ZNF385B: variants seen among roughly 807,000 people sequenced by gnomAD.
The protein encoded by ZNF385B is zinc finger protein 533.
ZNF385B carries 23 observed loss-of-function variants against 39.2 expected under a neutral mutation model. The ratio of observed to expected loss-of-function variants is 0.59; its 90% CI spans 0.42 to 0.83. The LOEUF (loss-of-function observed/expected upper bound fraction) is 0.83. ZNF385B is among the 40% of genes least tolerant of loss of function. The probability of loss-of-function intolerance (pLI) is 0.00; values close to 1 mark genes in which losing one functional copy is unlikely to be tolerated. For synonymous variants in ZNF385B, 205 were observed against 222.6 expected (o/e 0.92, Z 0.70); for missense variants, 552 against 598.9 (o/e 0.92, Z 0.82).
intron 6 of ZNF385B, among the ~76,000 whole-genome samples, chr2:179,456,518 G>C (rs1038119759): frequency 1.3e-5 from 2 of 151,958 alleles, no homozygotes; most frequent in African/African-American, 4.8e-5. Context: ...ACTCTGAAAG[G>C]AAACAAAAAT....
chr2:179,562,496 T>C (rs1428796508), intron 3 of ZNF385B: 2 of 985,288 alleles, frequency 2.0e-6, no homozygotes, highest in Non-Finnish European at 2.4e-6. Flanking sequence ...CTCAACCTGG[T>C]GCTCCCGTGA....
At chr2:179,825,904 C>A (rs1425569695) in intron 1 of ZNF385B, among the ~76,000 whole-genome samples, 1 of 152,098 alleles carries the variant, frequency 6.6e-6, no homozygotes, top group Non-Finnish European at 1.5e-5. Flanking sequence ...TCAGGATTGC[C>A]CCCCCATCTC....
At position 179,662,700 on chromosome 2, in the gene ZNF385B, C is replaced by A. The variant is rs539821441; in HGVS notation, c.298+106803G>T. Among the ~76,000 whole-genome samples, 73 of 152,184 alleles carry A rather than the reference C, an allele frequency of 4.8e-4. No individual in the cohort carries two copies. The South Asian group carries it at 0.015, about 31-fold the overall frequency. On this transcript the variant is annotated intron_variant, in intron 3 of 9. Coordinates refer to ENST00000410066, the MANE Select transcript of ZNF385B (RefSeq NM_152520.6). Reference sequence around the variant, plus strand: ...GGATGTCTATTTAAGTGAATCCCCCCCAAAAGAATCAGCTGCTTTTTAAAA... The same window carrying A: ...GGATGTCTATTTAAGTGAATCCCCCACAAAAGAATCAGCTGCTTTTTAAAA...
intron 3 of ZNF385B, among the ~76,000 whole-genome samples, chr2:179,655,503 A>T (rs1353655894): frequency 6.6e-6 from 1 of 151,802 alleles, no homozygotes; most frequent in East Asian, 1.9e-4. Flanking sequence ...AAAAAAAAAA[A>T]ACCCTGAACA....
intron 1 of ZNF385B, among the ~76,000 whole-genome samples, chr2:179,833,171 T>G (rs1023247963): frequency 6.6e-6 from 1 of 152,156 alleles, no homozygotes; most frequent in Non-Finnish European, 1.5e-5. Flanking sequence ...ATAATTTTAT[T>G]TAGGCACAAT....
intron 3 of ZNF385B, among the ~76,000 whole-genome samples, chr2:179,554,891 C>T (rs1559467893): frequency 6.7e-6 from 1 of 149,242 alleles, no homozygotes; most frequent in Non-Finnish European, 1.5e-5. Context: ...AACTAGAACT[C>T]TATATTAAAG....
chr2:179,502,256 G>C (rs949346234), intron 5 of ZNF385B, among the ~76,000 whole-genome samples: 1 of 152,220 alleles, frequency 6.6e-6, no homozygotes, highest in African/African-American at 2.4e-5. Flanking sequence ...ATTAACGCTA[G>C]AGTGAGTTAA....
At chr2:179,707,995 T>A (rs533190697) in intron 3 of ZNF385B, among the ~76,000 whole-genome samples, 1 of 152,214 alleles carries the variant, frequency 6.6e-6, no homozygotes, top group East Asian at 1.9e-4. Flanking sequence ...GGCTCCAGAA[T>A]CTCAATAAGA....
intron 3 of ZNF385B, among the ~76,000 whole-genome samples, chr2:179,762,692 T>C (rs1239056616): frequency 6.6e-6 from 1 of 152,334 alleles, no homozygotes; most frequent in Middle Eastern, 3.4e-3. Context: ...GGTATTAGGA[T>C]AATACTAGCC....
At chr2:179,674,836 G>A (rs1696527818) in intron 3 of ZNF385B, among the ~76,000 whole-genome samples, 1 of 152,220 alleles carries the variant, frequency 6.6e-6, no homozygotes, top group South Asian at 2.1e-4. Context: ...GGGCTCACAG[G>A]TAGGGAGAAA....
At chr2:179,568,419 G>A (rs961705252) in intron 3 of ZNF385B, among the ~76,000 whole-genome samples, 1 of 152,194 alleles carries the variant, frequency 6.6e-6, no homozygotes, top group African/African-American at 2.4e-5. Context: ...TTCTAGAGCA[G>A]GGCCAGGCCT....
intron 3 of ZNF385B, among the ~76,000 whole-genome samples, chr2:179,727,444 A>C (rs1701093242): frequency 6.6e-6 from 1 of 152,064 alleles, no homozygotes; most frequent in African/African-American, 2.4e-5. Context: ...CTATATAATA[A>C]GGAAAATAAT....
chr2:179,463,766 G>T (rs1485297331), intron 6 of ZNF385B, among the ~76,000 whole-genome samples: 1 of 152,108 alleles, frequency 6.6e-6, no homozygotes, highest in Admixed American at 6.5e-5. Context: ...TGAACATTTG[G>T]GTTGGTTCCA....
intron 1 of ZNF385B, among the ~76,000 whole-genome samples, chr2:179,843,628 A>G (rs951426730): frequency 6.6e-6 from 1 of 152,228 alleles, no homozygotes; most frequent in Non-Finnish European, 1.5e-5. Flanking sequence ...CTATTTCCTC[A>G]GAAGGGTCAC....
At chr2:179,538,202 A>G (rs1462705925) in intron 4 of ZNF385B, among the ~76,000 whole-genome samples, 1 of 152,196 alleles carries the variant, frequency 6.6e-6, no homozygotes, top group East Asian at 1.9e-4. Flanking sequence ...GACAGCAAGC[A>G]CTATTAGAGT....
intron 1 of ZNF385B, among the ~76,000 whole-genome samples, chr2:179,819,235 G>A (rs1707255652): frequency 6.6e-6 from 1 of 152,148 alleles, no homozygotes; most frequent in Non-Finnish European, 1.5e-5. Flanking sequence ...GCAAACTTGA[G>A]AAGGGACTTA....
At chr2:179,672,748 G>C (rs1050075557) in intron 3 of ZNF385B, among the ~76,000 whole-genome samples, 1 of 152,204 alleles carries the variant, frequency 6.6e-6, no homozygotes, top group African/African-American at 2.4e-5. Flanking sequence ...GTCCTTACCA[G>C]ACACAGAATC....
At chr2:179,445,782 C>T in intron 7 of ZNF385B, 54 bp from the exon 8 acceptor site, 1 of 1,455,340 alleles carries the variant, frequency 6.9e-7, no homozygotes, top group South Asian at 1.6e-5. Context: ...ATATAAAGCT[C>T]TTTGTTTTCT....
chr2:179,741,748 T>C (rs1046378871), intron 3 of ZNF385B, among the ~76,000 whole-genome samples: 4 of 152,146 alleles, frequency 2.6e-5, no homozygotes, highest in African/African-American at 9.6e-5. Context: ...ATAAATATTG[T>C]ATCTATTCTA....
Sources: gnomAD v4.1 joint callset for allele counts (sites outside exome capture counted in the v4.1 genomes callset) on GRCh38, gnomAD v4.1.1 for gene constraint, MANE v1.5 for transcripts, NCBI Gene and HGNC (gene_info 2026-07-23, HGNC 2026-07-21) for gene names.